The following EDN3 variants were observed in gnomAD, a reference collection of about 807,000 sequenced individuals.
EDN3 encodes the protein endothelin-3.
EDN3 carries 9 observed loss-of-function variants against 21.4 expected under a neutral mutation model. The ratio of observed to expected loss-of-function variants is 0.42; its 90% confidence interval spans 0.25 to 0.73. The LOEUF (loss-of-function observed/expected upper bound fraction) is 0.73. Among genes scored for constraint, EDN3 ranks in the 30% least tolerant of loss-of-function variants. The pLI, the probability that EDN3 is intolerant of heterozygous loss-of-function variation, is 0.26. For synonymous variants in EDN3, 133 were observed against 126.2 expected (o/e 1.05, Z -0.36); for missense variants, 327 against 309.4 (o/e 1.06, Z -0.43).
intron 2 of EDN3, among the ~76,000 whole-genome samples, chr20:59,318,313 C>T (rs1444927229): frequency 1.3e-5 from 2 of 152,188 alleles, no homozygotes; most frequent in Admixed American, 6.5e-5. Context: ...GCCTCCACCA[C>T]ATGTCGATAC....
chr20:59,317,454 A>G (rs563034017), intron 2 of EDN3, among the ~76,000 whole-genome samples: 2 of 152,326 alleles, frequency 1.3e-5, no homozygotes, highest in East Asian at 1.9e-4. Flanking sequence ...TTTTCCATGC[A>G]GTATCTCCTT....
intron 2 of EDN3, among the ~76,000 whole-genome samples, chr20:59,316,583 A>T (rs1460775167): frequency 6.6e-6 from 1 of 152,268 alleles, no homozygotes; most frequent in Non-Finnish European, 1.5e-5. Context: ...ACTTAAAAAC[A>T]GAATCTTTAA....
Position 59,300,693 on chromosome 20 carries a change from C to A in EDN3, c.-120C>A. The A allele has an allele frequency of 2.0e-6, 2 of 993,374 alleles. No homozygotes were observed. Among genetic ancestry groups the A allele is most frequent in the Admixed American group, 2.4e-5 (1 of 42,324 alleles). The allele number at this position is 993,374 out of a possible 1,614,324, so 61.5% of individuals were successfully genotyped here. On this transcript the variant is annotated 5_prime_UTR_variant, in exon 1 of 5. Transcript: ENST00000337938. ...CGGAGCTGGAGACGCAGCGAGCGATCGGCCGGCCTCGAACCCCCACAGCTG... is the reference window on the plus strand; with the variant it reads ...CGGAGCTGGAGACGCAGCGAGCGATAGGCCGGCCTCGAACCCCCACAGCTG...
Position 59,324,714 on chromosome 20 carries a change from A to C in EDN3, c.*255A>C. On this transcript the variant is annotated 3_prime_UTR_variant, in exon 5 of 5. Transcript: ENST00000337938. The stretch of plus-strand genomic sequence containing the variant: ...CCTGCAGCTCCGGTTTCATGCAGGA[A>C]ATTGGTTTTGGAGAGTTTTGGCAAG... 1.8e-6 allele frequency: 1 copy of C among 541,816 alleles called. No individual in the cohort carries two copies. The highest frequency in any genetic ancestry group is 3.3e-6 in the Non-Finnish European group (1 of 303,538). The allele number at this position is 541,816 out of a possible 1,614,324, so 33.6% of individuals were successfully genotyped here. A position where few individuals can be genotyped will look rare whatever the true frequency, so the allele number is the denominator to read the frequency against.
chr20:59,302,903 G>A (rs753156474), intron 2 of EDN3, among the ~76,000 whole-genome samples: 4 of 152,000 alleles, frequency 2.6e-5, no homozygotes, highest in South Asian at 2.1e-4. Flanking sequence ...TTGTGTCATC[G>A]GCACCTCAAA....
intron 2 of EDN3, among the ~76,000 whole-genome samples, chr20:59,312,716 A>G (rs779224846): frequency 8.5e-5 from 13 of 152,146 alleles, no homozygotes; most frequent in South Asian, 2.1e-4. Flanking sequence ...CGCTGGGGCA[A>G]AGGTCTAAGG....
intron 2 of EDN3, among the ~76,000 whole-genome samples, chr20:59,319,278 G>T (rs1364128334): frequency 6.6e-6 from 1 of 152,142 alleles, no homozygotes; most frequent in African/African-American, 2.4e-5. Flanking sequence ...GTTCAACCCA[G>T]CAGGGAGGCG....
intron 4 of EDN3, chr20:59,323,682 C>T (rs990986323): frequency 3.5e-5 from 14 of 399,782 alleles, no homozygotes; most frequent in Non-Finnish European, 6.2e-5. Flanking sequence ...TGAAGGAAGG[C>T]TGGGAGGAGC....
chr20:59,319,306 C>G (rs1198258016), intron 2 of EDN3, among the ~76,000 whole-genome samples: 1 of 152,170 alleles, frequency 6.6e-6, no homozygotes, highest in Non-Finnish European at 1.5e-5. Flanking sequence ...GGGACTCCCT[C>G]CAAGCCTTAG....
intron 2 of EDN3, among the ~76,000 whole-genome samples, chr20:59,307,078 G>A (rs1249534794): frequency 6.6e-6 from 1 of 152,330 alleles, no homozygotes; most frequent in South Asian, 2.1e-4. Context: ...CCAGGAGGTG[G>A]AGGTTGCAGT....
In EDN3 at chr20:59,322,558, C is replaced by G. The variant is rs1018399259; in HGVS notation, c.588+141C>G. On this transcript the variant is annotated intron_variant, in intron 4 of 4. Coordinates refer to ENST00000337938, the MANE Select transcript of EDN3 (RefSeq NM_207034.3). The surrounding 1 kb of genome is among the most constrained non-coding windows in gnomAD (Gnocchi z 4.1). Reference sequence around the variant, plus strand: ...ACCCCAGATCTCATGGGATGCTGCACCCACAAGCAATGGTGCCTTTGGTGG... The same window carrying G: ...ACCCCAGATCTCATGGGATGCTGCAGCCACAAGCAATGGTGCCTTTGGTGG... 1.6e-5 allele frequency: 19 copies of G among 1,155,234 alleles called. No individual in the cohort carries two copies. The highest frequency in any genetic ancestry group is 2.4e-5 in the Non-Finnish European group (19 of 781,442). The allele number at this position is 1,155,234 out of a possible 1,614,324, so 71.6% of individuals were successfully genotyped here. A position where few individuals can be genotyped will look rare whatever the true frequency, so the allele number is the denominator to read the frequency against.
In EDN3 at chr20:59,322,574, C is replaced by A; in HGVS notation, c.588+157C>A. On this transcript the variant is annotated intron_variant, in intron 4 of 4. Coordinates refer to ENST00000337938, the MANE Select transcript of EDN3 (RefSeq NM_207034.3). This position sits in a 1 kb window ranked among gnomAD's most constrained non-coding sequence, Gnocchi z 4.1. Reference sequence around the variant, plus strand: ...GATGCTGCACCCACAAGCAATGGTGCCTTTGGTGGACCGTTTCTGGGGGCA... The same window carrying A: ...GATGCTGCACCCACAAGCAATGGTGACTTTGGTGGACCGTTTCTGGGGGCA... 3.9e-6 allele frequency: 4 copies of A among 1,022,696 alleles called. No homozygotes were observed. The highest frequency in any genetic ancestry group is 6.0e-6 in the Non-Finnish European group (4 of 665,030). 63.4% of individuals were successfully genotyped at this position (1,022,696 alleles called of 1,614,324 possible). A position where few individuals can be genotyped will look rare whatever the true frequency, so the allele number is the denominator to read the frequency against.
rs1312817613 is a variant in EDN3, at chr20:59,300,843, C to T, written c.31C>T (p.Leu11Phe). Residue 11 changes from leucine to phenylalanine, a missense_variant, in exon 1 of 5, where the codon CTC becomes TTC. By Grantham distance (22) the Leu-to-Phe change is conservative. Coordinates refer to ENST00000337938, the MANE Select transcript of EDN3 (RefSeq NM_207034.3). Reference sequence around the variant, plus strand: ...GCCGGGGCTGTGGCTCCTTTTCGGGCTCACAGTGACCTCCGCCGCAGGTAA... The same window carrying T: ...GCCGGGGCTGTGGCTCCTTTTCGGGTTCACAGTGACCTCCGCCGCAGGTAA... MEPGLWLLFGLTVTSAAGFVP... is the reference protein window; with the variant it reads MEPGLWLLFGFTVTSAAGFVP... The T allele has an allele frequency of 1.9e-6, 3 of 1,611,378 alleles. No homozygotes were observed. The highest frequency in any genetic ancestry group is 1.1e-5 in the South Asian group (1 of 91,004).
At chr20:59,323,382 A>T (rs1301951256) in intron 4 of EDN3, among the ~76,000 whole-genome samples, 1 of 151,902 alleles carries the variant, frequency 6.6e-6, no homozygotes, top group African/African-American at 2.4e-5. Flanking sequence ...ATGTAATTAA[A>T]CCCATCCATC....
intron 2 of EDN3, among the ~76,000 whole-genome samples, chr20:59,316,113 G>C (rs2268688): frequency 0.14 from 21,484 of 152,200 alleles, 1,795 homozygotes; most frequent in Non-Finnish European, 0.18. Context: ...TCAAACCCAG[G>C]AGGCGGAGGT....
intron 2 of EDN3, among the ~76,000 whole-genome samples, chr20:59,310,450 G>A (rs540498327): frequency 6.6e-6 from 1 of 152,262 alleles, no homozygotes; most frequent in African/African-American, 2.4e-5. Flanking sequence ...CATAGTTTTG[G>A]GGGCTTCGGA....
intron 2 of EDN3, among the ~76,000 whole-genome samples, chr20:59,319,303 C>T (rs944790585): frequency 6.6e-6 from 1 of 152,142 alleles, no homozygotes; most frequent in Non-Finnish European, 1.5e-5. Context: ...CGGGGGACTC[C>T]CTCCAAGCCT....
chr20:59,324,690 C>T lies in EDN3; in HGVS notation c.*231C>T. On this transcript the variant is annotated 3_prime_UTR_variant, in exon 5 of 5. Transcript: ENST00000337938. ...CCAGATGTGCCCCAGAGCATGACGC[C>T]TGCAGCTCCGGTTTCATGCAGGAAA... is the stretch of plus-strand genomic sequence containing the variant. The T allele has an allele frequency of 1.7e-6, 1 of 599,954 alleles. No individual in the cohort carries two copies. The highest frequency in any genetic ancestry group is 2.9e-6 in the Non-Finnish European group (1 of 343,220). The allele number at this position is 599,954 out of a possible 1,614,324, so 37.2% of individuals were successfully genotyped here.
intron 2 of EDN3, among the ~76,000 whole-genome samples, chr20:59,309,544 G>A (rs965366540): frequency 6.6e-6 from 1 of 152,152 alleles, no homozygotes; most frequent in African/African-American, 2.4e-5. Flanking sequence ...GAAAGAAGAG[G>A]GTGTTGGCCA....
Sources: allele counts gnomAD v4.1 joint callset (sites outside exome capture counted in the v4.1 genomes callset), GRCh38; gene constraint gnomAD v4.1.1; non-coding constraint Gnocchi (gnomAD v3.1); transcripts MANE v1.5; gene names NCBI Gene and HGNC (gene_info 2026-07-23, HGNC 2026-07-21).